The following CACNB4 variants were observed in gnomAD, a reference collection of about 807,000 sequenced individuals.
The protein encoded by CACNB4 is calcium voltage-gated channel auxiliary subunit beta 4.
A neutral mutation model predicts 71.2 loss-of-function variants in CACNB4; 32 were observed. The ratio of observed to expected loss-of-function variants is 0.45; its 90% CI spans 0.34 to 0.60. CACNB4 has a LOEUF of 0.60. Among genes scored for constraint, CACNB4 ranks in the 20% least tolerant of loss-of-function variants. CACNB4 has a pLI of 0.01. For synonymous variants in CACNB4, 231 were observed against 236.9 expected, an observed-to-expected ratio of 0.97 and a Z score of 0.23; for missense variants, 464 against 647.9, an observed-to-expected ratio of 0.72 and a Z score of 3.08.
chr2:152,050,344 A>G (rs768172842), intron 2 of CACNB4, among the ~76,000 whole-genome samples: 1 of 152,230 alleles, frequency 6.6e-6, no homozygotes, highest in East Asian at 1.9e-4. Flanking sequence ...AATGCTGGAC[A>G]TAAGAGGAGA....
intron 2 of CACNB4, chr2:151,883,853 A>G: frequency 4.5e-6 from 1 of 223,968 alleles, no homozygotes; most frequent in South Asian, 6.2e-5. Flanking sequence ...TTCCAGTTTC[A>G]ATGTCAACAC....
At chr2:152,018,931 T>C (rs1683502125) in intron 2 of CACNB4, among the ~76,000 whole-genome samples, 1 of 151,880 alleles carries the variant, frequency 6.6e-6, no homozygotes, top group South Asian at 2.1e-4. Flanking sequence ...GAGGTCATTC[T>C]CTCTTAGGCA....
At chr2:152,069,072 A>G (rs536072220) in intron 2 of CACNB4, among the ~76,000 whole-genome samples, 1 of 152,224 alleles carries the variant, frequency 6.6e-6, no homozygotes, top group African/African-American at 2.4e-5. Context: ...CTGTGAGGCT[A>G]CTCTCAGTCA....
chr2:151,861,851 A>AAAAAAACAAAAAAAAAAAAAAAAC (rs1553750171), intron 9 of CACNB4: 37 of 135,352 alleles, frequency 2.7e-4, no homozygotes, highest in South Asian at 6.9e-4. Flanking sequence ...TCAAAAAAAA[A>AAAAAAACAAAAAAAAAAAAAAAAC]AAAAAAACTG....
chr2:151,962,629 C>G (rs989645782), intron 2 of CACNB4, among the ~76,000 whole-genome samples: 1 of 152,238 alleles, frequency 6.6e-6, no homozygotes, highest in African/African-American at 2.4e-5. Flanking sequence ...GACCTGCATA[C>G]AAATCATGAG....
At chr2:151,939,876 T>C (rs1422122429) in intron 2 of CACNB4, among the ~76,000 whole-genome samples, 1 of 151,938 alleles carries the variant, frequency 6.6e-6, no homozygotes, top group Non-Finnish European at 1.5e-5. Flanking sequence ...GAAACAAATA[T>C]GGAAAAAAAT....
Position 152,021,880 on chromosome 2 carries a change from T to C in CACNB4, c.147+76450A>G, listed in dbSNP as rs188635084. ...GCTTATTCTTTTATCTTGCTGAACA[T>C]TGGCTTTTTACGTTTTATCTTCTTC... On this transcript the variant is annotated intron_variant, in intron 2 of 13. Transcript: ENST00000539935. 5.3e-3 allele frequency among the ~76,000 whole-genome samples: 815 copies of C among 152,372 alleles called. 9 individuals are homozygous for C. Among genetic ancestry groups the C allele is most frequent in the South Asian group, 0.051 (247 of 4,834 alleles).
At chr2:151,983,211 G>T (rs2099875019) in intron 2 of CACNB4, among the ~76,000 whole-genome samples, 1 of 152,158 alleles carries the variant, frequency 6.6e-6, no homozygotes, top group South Asian at 2.1e-4. Flanking sequence ...TGAATTCAAA[G>T]AAAAATCTTC....
chr2:152,038,081 G>A (rs1382037205), intron 2 of CACNB4, among the ~76,000 whole-genome samples: 1 of 152,250 alleles, frequency 6.6e-6, no homozygotes, highest in Non-Finnish European at 1.5e-5. Flanking sequence ...TGCATGTCAG[G>A]AACCTACTGG....
At chr2:152,031,988 A>C (rs1406371321) in intron 2 of CACNB4, among the ~76,000 whole-genome samples, 1 of 152,188 alleles carries the variant, frequency 6.6e-6, no homozygotes, top group Non-Finnish European at 1.5e-5. Flanking sequence ...AGGGGACAGC[A>C]AACTCCCTCA....
At chr2:152,068,858 T>C (rs1383208656) in intron 2 of CACNB4, among the ~76,000 whole-genome samples, 3 of 152,180 alleles carry the variant, frequency 2.0e-5, no homozygotes, top group Non-Finnish European at 4.4e-5. Flanking sequence ...GATGTTGATA[T>C]CTTTGAGATG....
intron 2 of CACNB4, among the ~76,000 whole-genome samples, chr2:152,024,792 A>T (rs540862412): frequency 6.6e-6 from 1 of 152,162 alleles, no homozygotes; most frequent in Admixed American, 6.5e-5. Context: ...GTGGTGGCTC[A>T]CGCCTGTAAT....
intron 2 of CACNB4, among the ~76,000 whole-genome samples, chr2:151,975,245 T>C: frequency 6.6e-6 from 1 of 152,250 alleles, no homozygotes; most frequent in East Asian, 1.9e-4. Context: ...AAAGGAGGCC[T>C]GTCCTTCCAG....
intron 2 of CACNB4, among the ~76,000 whole-genome samples, chr2:151,954,199 C>T (rs935462886): frequency 6.6e-6 from 1 of 152,234 alleles, no homozygotes; most frequent in African/African-American, 2.4e-5. Context: ...TCAGCAAGCT[C>T]CTCGTTCTAA....
In CACNB4 at chr2:152,057,946, T is replaced by C. The variant is rs967313500; in HGVS notation, c.147+40384A>G. Among the ~76,000 whole-genome samples, 3 of 152,210 alleles carry C rather than the reference T, an allele frequency of 2.0e-5. No individual in the cohort carries two copies. In the East Asian group the frequency reaches 5.8e-4, roughly 29 times the overall value. On this transcript the variant is annotated intron_variant, in intron 2 of 13. Transcript: ENST00000539935. ...TAATCTGCATAATCCCCATGTGTCA[T>C]GGGAGGGAGCTGGTAGGAGGTGATT...
chr2:152,069,803 C>T (rs1686566857), intron 2 of CACNB4, among the ~76,000 whole-genome samples: 2 of 147,648 alleles, frequency 1.4e-5, no homozygotes, highest in Non-Finnish European at 3.0e-5. Context: ...CTCCTTTATT[C>T]TAGATCTTTT....
At chr2:151,882,681 TC>T (rs2099848241) in intron 3 of CACNB4, among the ~76,000 whole-genome samples, 1 of 152,224 alleles carries the variant, frequency 6.6e-6, no homozygotes, top group Non-Finnish European at 1.5e-5. Flanking sequence ...CCTTGCTGCT[TC>T]CTGTGGATGC....
chr2:151,866,418 G>A (rs897647350), intron 9 of CACNB4: 1 of 152,182 alleles, frequency 6.6e-6, no homozygotes, highest in African/African-American at 2.4e-5. Flanking sequence ...GTTTCCATTA[G>A]AACATATTGT....
intron 2 of CACNB4, among the ~76,000 whole-genome samples, chr2:151,909,327 C>T (rs1490984697): frequency 1.3e-5 from 2 of 150,472 alleles, no homozygotes; most frequent in African/African-American, 4.9e-5. Context: ...CCCAGTTACT[C>T]GGGAGGCTGA....
Sources: gnomAD v4.1 joint callset for allele counts (sites outside exome capture counted in the v4.1 genomes callset) on GRCh38, gnomAD v4.1.1 for gene constraint, MANE v1.5 for transcripts, NCBI Gene and HGNC (gene_info 2026-07-23, HGNC 2026-07-21) for gene names.